CDH8: variants seen among roughly 807,000 people sequenced by gnomAD.
CDH8 encodes cadherin 8.
A neutral mutation model predicts 68.1 loss-of-function variants in CDH8; 17 were observed. The ratio of observed to expected loss-of-function variants is 0.25; its 90% CI spans 0.17 to 0.37. The LOEUF (loss-of-function observed/expected upper bound fraction) is 0.37, where lower values mean the gene tolerates loss of function less well. Ranked by LOEUF, CDH8 falls within the 10% of genes least tolerant of loss-of-function variation. CDH8 has a pLI of 1.00. For missense variants in CDH8, 763 were observed against 999.3 expected (o/e 0.76, Z 3.19); for synonymous variants, 372 against 365.1 (o/e 1.02, Z -0.21).
intron 2 of CDH8, among the ~76,000 whole-genome samples, chr16:61,948,196 T>C (rs761086550): frequency 6.6e-6 from 1 of 152,302 alleles, no homozygotes; most frequent in African/African-American, 2.4e-5. Context: ...TATTAAAATA[T>C]GTATGAAAGC....
At chr16:61,839,402 A>G (rs1415991297) in intron 4 of CDH8, among the ~76,000 whole-genome samples, 1 of 152,156 alleles carries the variant, frequency 6.6e-6, no homozygotes, top group African/African-American at 2.4e-5. Context: ...TATTTAGAGG[A>G]AAGTATAAAA....
chr16:61,725,820 T>C (rs1959344446), intron 9 of CDH8: 1 of 150,962 alleles, frequency 6.6e-6, no homozygotes, highest in African/African-American at 2.4e-5. Context: ...AGCTGAATGC[T>C]TTGATGAGAA....
chr16:61,905,064 A>G (rs1350026434), intron 2 of CDH8, among the ~76,000 whole-genome samples: 2 of 152,232 alleles, frequency 1.3e-5, no homozygotes, highest in African/African-American at 4.8e-5. Flanking sequence ...CACCTTTTCC[A>G]GTCTGTAGAA....
rs1486000032 is a variant in CDH8 at position 61,898,258 on chromosome 16, C to CCATTAA, written c.547+2920_547+2921insTTAATG. 1.3e-5 allele frequency among the ~76,000 whole-genome samples: 2 copies of CCATTAA among 151,796 alleles called. 1 individual carries two copies. The highest frequency in any genetic ancestry group is 1.3e-4 in the Admixed American group (2 of 15,232). On this transcript the variant is annotated intron_variant, in intron 3 of 11. Transcript: ENST00000577390. ...GAGTTTGCAGTGAGCAGAGATGGTG[C>CCATTAA]CATTGCACTCCAGCCTGGGAAACAA...
chr16:61,834,950 A>T (rs898700352), intron 4 of CDH8, among the ~76,000 whole-genome samples: 70 of 151,656 alleles, frequency 4.6e-4, no homozygotes, highest in Middle Eastern at 3.4e-3. Context: ...TAATTATAAA[A>T]TTTTTTTTTA....
intron 10 of CDH8, among the ~76,000 whole-genome samples, chr16:61,709,724 T>C (rs1042006254): frequency 3.5e-5 from 5 of 143,472 alleles, no homozygotes; most frequent in Admixed American, 6.8e-5. Flanking sequence ...AATGGAGCTA[T>C]AGAAAGGTTA....
chr16:61,675,973 A>G (rs2142788944), intron 10 of CDH8, among the ~76,000 whole-genome samples: 1 of 151,804 alleles, frequency 6.6e-6, no homozygotes, highest in South Asian at 2.1e-4. Context: ...ACTGAAGAAG[A>G]CAGTTTAAGA....
At chr16:62,015,177 T>C (rs1347332429) in intron 2 of CDH8, among the ~76,000 whole-genome samples, 3 of 152,172 alleles carry the variant, frequency 2.0e-5, no homozygotes, top group African/African-American at 7.2e-5. Flanking sequence ...CTTTGTTACA[T>C]AAAAATGTTA....
At chr16:61,681,020 C>T (rs188834414) in intron 10 of CDH8, among the ~76,000 whole-genome samples, 5 of 151,664 alleles carry the variant, frequency 3.3e-5, no homozygotes, top group East Asian at 1.9e-4. Context: ...AAAAAAGGAC[C>T]GTAAAAGTTG....
At chr16:61,663,862 C>CTA (rs1963616751) in intron 10 of CDH8, among the ~76,000 whole-genome samples, 1 of 150,896 alleles carries the variant, frequency 6.6e-6, no homozygotes, top group African/African-American at 2.4e-5. Flanking sequence ...ACATGTATAA[C>CTA]TATATATATG....
chr16:61,971,409 C>T (rs902071918), intron 2 of CDH8, among the ~76,000 whole-genome samples: 7 of 152,074 alleles, frequency 4.6e-5, no homozygotes, highest in Non-Finnish European at 8.8e-5. Flanking sequence ...CACAGAACTC[C>T]AGGAAACTAC....
intron 8 of CDH8, among the ~76,000 whole-genome samples, chr16:61,759,861 T>A (rs1281621043): frequency 6.6e-6 from 1 of 152,140 alleles, no homozygotes; most frequent in Non-Finnish European, 1.5e-5. Context: ...TCTTACTGAA[T>A]AAGTAATTGA....
intron 9 of CDH8, among the ~76,000 whole-genome samples, chr16:61,719,757 T>C (rs1473742629): frequency 2.0e-5 from 3 of 150,830 alleles, no homozygotes; most frequent in Non-Finnish European, 4.5e-5. Flanking sequence ...CCATTGTTTA[T>C]CCTCCCAGGG....
intron 1 of CDH8, among the ~76,000 whole-genome samples, chr16:62,032,985 C>T (rs1902363834): frequency 6.6e-6 from 1 of 152,164 alleles, no homozygotes; most frequent in Non-Finnish European, 1.5e-5. Context: ...TGAAAGGAAC[C>T]TGGAAAGCAA....
intron 8 of CDH8, among the ~76,000 whole-genome samples, chr16:61,740,598 A>G (rs570141429): frequency 2.6e-5 from 4 of 152,254 alleles, no homozygotes; most frequent in Admixed American, 2.6e-4. Context: ...TTGGTTTAAC[A>G]GTATGTTAGT....
At chr16:61,702,531 G>A (rs1004211812) in intron 10 of CDH8, among the ~76,000 whole-genome samples, 4 of 152,044 alleles carry the variant, frequency 2.6e-5, no homozygotes, top group African/African-American at 9.7e-5. Context: ...TGAAGTAGTC[G>A]GTACAATTAT....
At chr16:61,832,328 G>C (rs540196390) in intron 4 of CDH8, among the ~76,000 whole-genome samples, 53 of 137,254 alleles carry the variant, frequency 3.9e-4, no homozygotes, top group African/African-American at 1.2e-3. Flanking sequence ...AAGACAGATA[G>C]ATAATAGATA....
chr16:61,858,298 G>A (rs572437085), intron 3 of CDH8, among the ~76,000 whole-genome samples: 1 of 152,116 alleles, frequency 6.6e-6, no homozygotes, highest in East Asian at 1.9e-4. Context: ...AAGAAAGGTA[G>A]AGTTTAACCA....
chr16:61,930,305 A>ACACACACC (rs796420334), intron 2 of CDH8, among the ~76,000 whole-genome samples: 21 of 150,834 alleles, frequency 1.4e-4, no homozygotes, highest in African/African-American at 4.6e-4. Context: ...ACACACACAC[A>ACACACACC]CCCCTATGTA....
Sources: allele counts gnomAD v4.1 joint callset (sites outside exome capture counted in the v4.1 genomes callset), GRCh38; gene constraint gnomAD v4.1.1; transcripts MANE v1.5; gene names NCBI Gene and HGNC (gene_info 2026-07-23, HGNC 2026-07-21).